The following IDE variants were observed in gnomAD, a reference collection of about 807,000 sequenced individuals.
IDE encodes insulin degrading enzyme, also known as insulin-degrading enzyme.
In IDE, 58 loss-of-function variants were observed where a neutral mutation model predicts 133.2. The observed-to-expected ratio is 0.44, with a 90% CI of 0.35 to 0.54. The LOEUF (loss-of-function observed/expected upper bound fraction) is 0.54, where lower values mean the gene tolerates loss of function less well. IDE is among the 20% of genes least tolerant of loss of function. IDE has a pLI of 0.00. For missense variants in IDE, 981 were observed against 1,234.0 expected, an observed-to-expected ratio of 0.79 and a Z score of 3.07; for synonymous variants, 396 against 421.3, an observed-to-expected ratio of 0.94 and a Z score of 0.73.
chr10:92,552,451 T>C (rs1317011981), intron 1 of IDE, among the ~76,000 whole-genome samples: 2 of 152,034 alleles, frequency 1.3e-5, no homozygotes, highest in Non-Finnish European at 2.9e-5. Context: ...GACATAGAAA[T>C]ATAAAAACGT....
chr10:92,505,453 C>T (rs901427312), intron 10 of IDE, among the ~76,000 whole-genome samples: 1 of 152,124 alleles, frequency 6.6e-6, no homozygotes, highest in Non-Finnish European at 1.5e-5. Context: ...CTGATTCATT[C>T]ATCTAATAAA....
chr10:92,506,657 C>T (rs1848308043), intron 9 of IDE, 135 bp from the exon 10 acceptor site: 1 of 475,258 alleles, frequency 2.1e-6, no homozygotes, highest in Non-Finnish European at 3.7e-6. Context: ...GAAAAAATGG[C>T]TATGCTTGAT....
chr10:92,573,001 G>C, intron 1 of IDE: 5 of 985,204 alleles, frequency 5.1e-6, no homozygotes, highest in Non-Finnish European at 6.0e-6. Context: ...TTTACATAGA[G>C]GGTCCAGCAC....
intron 19 of IDE, 58 bp from the exon 20 acceptor site, chr10:92,465,901 G>T: frequency 4.9e-6 from 7 of 1,431,306 alleles, no homozygotes; most frequent in Non-Finnish European, 6.9e-6. Context: ...GTTTAATAAA[G>T]TCAATGCTAT....
At chr10:92,495,647 G>A (rs7075073) in intron 11 of IDE, among the ~76,000 whole-genome samples, 15,227 of 151,880 alleles carry the variant, frequency 0.1, 883 homozygotes, top group South Asian at 0.17. Context: ...CACCACACCC[G>A]GCCTCAATAA....
intron 2 of IDE, among the ~76,000 whole-genome samples, chr10:92,535,869 C>G (rs1292901195): frequency 6.6e-6 from 1 of 151,996 alleles, no homozygotes; most frequent in Non-Finnish European, 1.5e-5. Context: ...AACCTCGTCT[C>G]TAATAAAAAT....
At chr10:92,573,120 A>C (rs1843869197) in intron 1 of IDE, 2 of 985,312 alleles carry the variant, frequency 2.0e-6, no homozygotes, top group African/African-American at 1.7e-5. Flanking sequence ...TTCCATTCGT[A>C]GTAAAAAGTA....
At chr10:92,493,086 A>G (rs1847459097) in intron 11 of IDE, among the ~76,000 whole-genome samples, 1 of 152,238 alleles carries the variant, frequency 6.6e-6, no homozygotes, top group Non-Finnish European at 1.5e-5. Context: ...TTGACAGATA[A>G]AAGAGTTCTA....
intron 4 of IDE, 52 bp from the exon 5 acceptor site, chr10:92,515,094 T>TA (rs1564639817): frequency 2.1e-6 from 3 of 1,433,170 alleles, no homozygotes; most frequent in Admixed American, 4.1e-5. Flanking sequence ...TGTGGACTTT[T>TA]AAAGTTTTGT....
intron 14 of IDE, among the ~76,000 whole-genome samples, 191 bp downstream of exon 14, chr10:92,483,064 G>A (rs1388047275): frequency 6.6e-6 from 1 of 152,192 alleles, no homozygotes; most frequent in African/African-American, 2.4e-5. Context: ...ACAGGCGTGA[G>A]CCACCGTGCC....
At chr10:92,474,413 T>A (rs1463244889) in intron 17 of IDE, 2 of 152,894 alleles carry the variant, frequency 1.3e-5, no homozygotes, top group Non-Finnish European at 2.9e-5. Flanking sequence ...TAGGTCCAGA[T>A]TGAAAACAGT....
chr10:92,496,740 T>C (rs970919138), intron 11 of IDE, among the ~76,000 whole-genome samples: 1 of 152,166 alleles, frequency 6.6e-6, no homozygotes, highest in Non-Finnish European at 1.5e-5. Context: ...GAGCCGAGAT[T>C]GTGCCATTGC....
At chr10:92,506,927 A>C (rs1266551384) in intron 9 of IDE, among the ~76,000 whole-genome samples, 4 of 152,224 alleles carry the variant, frequency 2.6e-5, no homozygotes, top group Admixed American at 2.6e-4. Context: ...CCAGATTAGG[A>C]GTTATTGTCA....
rs1435848392 is a variant in IDE at position 92,453,835 on chromosome 10, AG to A, written c.*608del. 1 of 152,202 alleles carries A rather than the reference AG, an allele frequency of 6.6e-6. No homozygotes were observed. The highest frequency in any genetic ancestry group is 1.9e-4 in the East Asian group (1 of 5,194). The allele number at this position is 152,202 out of a possible 1,614,324, so 9.4% of individuals were successfully genotyped here. A position where few individuals can be genotyped will look rare whatever the true frequency, so the allele number is the denominator to read the frequency against. On this transcript the variant is annotated 3_prime_UTR_variant, in exon 25 of 25. Transcript: ENST00000265986. ...TGTATTTCTAGCATTGTAAATAAGT[AG>A]GGTTTTCTAGCATTTTACGAGTTGG...
chr10:92,572,518 C>T (rs1843834458), intron 1 of IDE, among the ~76,000 whole-genome samples: 1 of 152,182 alleles, frequency 6.6e-6, no homozygotes, highest in Non-Finnish European at 1.5e-5. Flanking sequence ...GGACTCTCTC[C>T]ACTTCCTGAC....
rs986483884 is a variant in IDE, at chr10:92,452,552, C to T, written c.*1892G>A. Reference sequence around the variant, plus strand: ...GAAATTGGAAAATGCTGACGCATACCAAACAATTGCAGGTTCATGGAAGAC... The same window carrying T: ...GAAATTGGAAAATGCTGACGCATACTAAACAATTGCAGGTTCATGGAAGAC... On this transcript the variant is annotated 3_prime_UTR_variant, in exon 25 of 25. Coordinates refer to ENST00000265986, the MANE Select transcript of IDE (RefSeq NM_004969.4). 1 of 152,158 alleles carries T rather than the reference C, an allele frequency of 6.6e-6. No homozygotes were observed. Among genetic ancestry groups the T allele is most frequent in the Non-Finnish European group, 1.5e-5 (1 of 68,048 alleles). The allele number at this position is 152,158 out of a possible 1,614,324, so 9.4% of individuals were successfully genotyped here. A position where few individuals can be genotyped will look rare whatever the true frequency, so the allele number is the denominator to read the frequency against.
rs1330313950 is a variant in IDE at position 92,474,871 on chromosome 10, T to A, written c.2086A>T (p.Thr696Ser). The part of the protein sequence containing the change: ...LRLLMTEVAW[T>S]KDELKEALDD... The stretch of plus-strand genomic sequence containing the variant: ...AGAGCTTCTTTTAACTCATCTTTAG[T>A]CCAGGCCACTTCAGTCATCAGCAAG... The change falls in exon 17 of 25, where the codon ACT (threonine) becomes TCT (serine). Residue 696 changes from threonine to serine, a missense_variant. Transcript: ENST00000265986. 1.2e-6 allele frequency: 2 copies of A among 1,613,840 alleles called. No individual in the cohort carries two copies. Among genetic ancestry groups the A allele is most frequent in the Admixed American group, 1.7e-5 (1 of 59,986 alleles).
At chr10:92,474,696 C>T (rs1221389597) in intron 17 of IDE, 145 bp downstream of exon 17, 2 of 657,228 alleles carry the variant, frequency 3.0e-6, no homozygotes, top group Non-Finnish European at 5.1e-6. Flanking sequence ...ATCCTGCCCA[C>T]CACTGTTTTT....
At chr10:92,547,725 G>A (rs1489326734) in intron 1 of IDE, among the ~76,000 whole-genome samples, 1 of 152,130 alleles carries the variant, frequency 6.6e-6, no homozygotes, top group East Asian at 1.9e-4. Flanking sequence ...GCCCAACTCA[G>A]AGAATGCTGC....
Sources: allele counts gnomAD v4.1 joint callset (sites outside exome capture counted in the v4.1 genomes callset), GRCh38; gene constraint gnomAD v4.1.1; transcripts MANE v1.5; gene names NCBI Gene and HGNC (gene_info 2026-07-23, HGNC 2026-07-21).